NOS1: variants seen among roughly 807,000 people sequenced by gnomAD.
The protein encoded by NOS1 is NOS type I.
Under a neutral mutation model 164.5 loss-of-function variants are expected in NOS1, and 51 were observed. The observed-to-expected ratio is 0.31, with a 90% CI of 0.25 to 0.39. The LOEUF is 0.39. NOS1 is among the 10% of genes least tolerant of loss of function. The pLI is 1.00. For synonymous variants in NOS1, 719 were observed against 745.8 expected, an observed-to-expected ratio of 0.96 and a Z score of 0.59; for missense variants, 1,362 against 1,885.6, an observed-to-expected ratio of 0.72 and a Z score of 5.14.
rs1266344574 is a variant in NOS1, at chr12:117,208,272, G to A, written c.*7037C>T. The A allele has an allele frequency of 7.0e-6, 9 of 1,287,216 alleles. No homozygotes were observed. The highest frequency in any genetic ancestry group is 2.1e-4 in the Middle Eastern group (1 of 4,700). 79.7% of individuals were successfully genotyped at this position (1,287,216 alleles called of 1,614,324 possible). On this transcript the variant is annotated 3_prime_UTR_variant, in exon 29 of 29. Transcript: ENST00000317775. ...CGACAAACACAGCCTGGACAACCTC[G>A]CAAAGAGCGTGGGGTGGGCGTCAGT...
intron 1 of NOS1, among the ~76,000 whole-genome samples, chr12:117,355,489 A>G (rs976015853): frequency 6.6e-6 from 1 of 152,306 alleles, no homozygotes; most frequent in East Asian, 1.9e-4. Context: ...AAGCAAATTA[A>G]ACAATATTGA....
chr12:117,280,911 C>A, intron 7 of NOS1, 45 bp from the exon 8 acceptor site: 2 of 1,599,652 alleles, frequency 1.3e-6, no homozygotes. Flanking sequence ...GCGGGACTTG[C>A]GCTGTGGGAA....
intron 3 of NOS1, among the ~76,000 whole-genome samples, chr12:117,301,687 G>A (rs1475584010): frequency 1.3e-5 from 2 of 152,040 alleles, no homozygotes; most frequent in East Asian, 1.9e-4. Flanking sequence ...TCCACAGCCC[G>A]GCCCCCAGGA....
intron 1 of NOS1, among the ~76,000 whole-genome samples, chr12:117,346,362 T>C (rs569500652): frequency 6.6e-6 from 1 of 152,236 alleles, no homozygotes; most frequent in South Asian, 2.1e-4. Flanking sequence ...TCCCAGTTAC[T>C]CAGGAGGCTG....
At chr12:117,324,399 G>A (rs1029544783) in intron 2 of NOS1, among the ~76,000 whole-genome samples, 2 of 152,096 alleles carry the variant, frequency 1.3e-5, no homozygotes, top group Non-Finnish European at 2.9e-5. Context: ...GCAGCAAGCT[G>A]AGTAACCTGG....
At chr12:117,282,519 C>T (rs895563607) in intron 7 of NOS1, among the ~76,000 whole-genome samples, 1 of 152,224 alleles carries the variant, frequency 6.6e-6, no homozygotes, top group Non-Finnish European at 1.5e-5. Flanking sequence ...CATACAGCAA[C>T]CCCTGTCTCA....
intron 3 of NOS1, 68 bp downstream of exon 3, chr12:117,311,398 C>T: frequency 1.3e-6 from 2 of 1,502,742 alleles, no homozygotes; most frequent in Non-Finnish European, 9.0e-7. Flanking sequence ...CTCCCCTCAG[C>T]TTCCCACCTG....
At chr12:117,253,851 G>A in intron 16 of NOS1, 97 bp from the exon 17 acceptor site, 1 of 786,470 alleles carries the variant, frequency 1.3e-6, no homozygotes, top group South Asian at 1.5e-5. Context: ...CCTGATTCTA[G>A]GGCCTTCTCT....
chr12:117,235,633 CACCGGGTTATA>C (rs1225948242), intron 20 of NOS1, among the ~76,000 whole-genome samples: 5 of 152,206 alleles, frequency 3.3e-5, no homozygotes, highest in Admixed American at 2.0e-4. Context: ...TCATTGATGC[CACCGGGTTATA>C]ACCTTTCTGC....
At chr12:117,239,039 C>T (rs572427302) in intron 20 of NOS1, among the ~76,000 whole-genome samples, 3 of 152,294 alleles carry the variant, frequency 2.0e-5, no homozygotes, top group African/African-American at 7.2e-5. Flanking sequence ...AGTTGAAAGA[C>T]AAGGCCAAGG....
At chr12:117,334,241 GTT>G (rs1875693061) in intron 1 of NOS1, among the ~76,000 whole-genome samples, 1 of 152,162 alleles carries the variant, frequency 6.6e-6, no homozygotes, top group African/African-American at 2.4e-5. Context: ...TTGGTGTGCT[GTT>G]TCTCTCTCAC....
At position 117,211,269 on chromosome 12, in the gene NOS1, T is replaced by G. The variant is rs1011355457; in HGVS notation, c.*4040A>C. The G allele has an allele frequency of 1.0e-6, 1 of 985,298 alleles. No homozygotes were observed. Among genetic ancestry groups the G allele is most frequent in the Non-Finnish European group, 1.2e-6 (1 of 830,000 alleles). 61.0% of individuals were successfully genotyped at this position (985,298 alleles called of 1,614,324 possible). A position where few individuals can be genotyped will look rare whatever the true frequency, so the allele number is the denominator to read the frequency against. ...TACCGCGCCCAGCCTGCAAGATGCT[T>G]TAATTTCTCCTTTATTCTCACCCTC... On this transcript the variant is annotated 3_prime_UTR_variant, in exon 29 of 29. Transcript: ENST00000317775.
chr12:117,260,024 C>A (rs1158075130), intron 14 of NOS1, among the ~76,000 whole-genome samples: 2 of 150,662 alleles, frequency 1.3e-5, no homozygotes, highest in African/African-American at 2.4e-5. Context: ...GAGGCTGAGG[C>A]AGAAGAATGG....
At position 117,234,897 on chromosome 12, in the gene NOS1, C is replaced by T; in HGVS notation, c.3042-139G>A. 1.9e-6 allele frequency: 1 copy of T among 536,376 alleles called. No individual in the cohort carries two copies. Among genetic ancestry groups the T allele is most frequent in the Non-Finnish European group, 3.2e-6 (1 of 316,760 alleles). 33.2% of individuals were successfully genotyped at this position (536,376 alleles called of 1,614,324 possible). A position where few individuals can be genotyped will look rare whatever the true frequency, so the allele number is the denominator to read the frequency against. ...GGCCCGTGCTAACCAAGCCTATGCCCCCATCATTCTATTATTATTATTATT... is the reference window on the plus strand; with the variant it reads ...GGCCCGTGCTAACCAAGCCTATGCCTCCATCATTCTATTATTATTATTATT... On this transcript the variant is annotated intron_variant, in intron 20 of 28. Transcript: ENST00000317775. The surrounding 1 kb of genome is among the most constrained non-coding windows in gnomAD (Gnocchi z 4.3).
rs937583824 is a variant in NOS1, at chr12:117,272,750, C to T, written c.1665-191G>A. 7.2e-5 allele frequency among the ~76,000 whole-genome samples: 11 copies of T among 152,166 alleles called. No homozygotes were observed. The highest frequency in any genetic ancestry group is 2.4e-4 in the African/African-American group (10 of 41,430). ...GGGGCCTGAGAATGTGCATTTTTAA[C>T]GTATTTCTCAGGTGCTTCGGATGGA... On this transcript the variant is annotated intron_variant, in intron 9 of 28. Coordinates refer to ENST00000317775, the MANE Select transcript of NOS1 (RefSeq NM_000620.5). The surrounding 1 kb of genome is among the most constrained non-coding windows in gnomAD (Gnocchi z 4.3).
chr12:117,242,676 A>T lies in NOS1; in HGVS notation c.2992T>A (p.Ser998Thr). 1 of 1,614,162 alleles carries T rather than the reference A, an allele frequency of 6.2e-7. No individual in the cohort carries two copies. Among genetic ancestry groups the T allele is most frequent in the Middle Eastern group, 1.6e-4 (1 of 6,062 alleles). Residue 998 changes from serine to threonine, a missense_variant, in exon 20 of 29, where the codon TCA (serine) becomes ACA (threonine). Transcript: ENST00000317775. ...GLSNVHKKRV[S>T]AARLLSRQNL... ...TGACGGCTAAGGAGCCGGGCAGCTG[A>T]GACTCGCTTTTTGTGGACATTGGAT... is the stretch of plus-strand genomic sequence containing the variant.
At chr12:117,286,595 C>T (rs1208019439) in intron 5 of NOS1, among the ~76,000 whole-genome samples, 1 of 152,028 alleles carries the variant, frequency 6.6e-6, no homozygotes. Context: ...CTAAATCTTT[C>T]CAGAGAAACT....
intron 20 of NOS1, among the ~76,000 whole-genome samples, chr12:117,241,914 C>T (rs1870209861): frequency 6.6e-6 from 1 of 152,170 alleles, no homozygotes; most frequent in South Asian, 2.1e-4. Context: ...CAGAGTGTGT[C>T]CTTTTACTAA....
rs981643019 is a variant in NOS1 at position 117,209,833 on chromosome 12, T to C, written c.*5476A>G. 4.3e-5 allele frequency: 42 copies of C among 985,438 alleles called. No homozygotes were observed. The highest frequency in any genetic ancestry group is 4.7e-5 in the South Asian group (1 of 21,288). 61.0% of individuals were successfully genotyped at this position (985,438 alleles called of 1,614,324 possible). On this transcript the variant is annotated 3_prime_UTR_variant, in exon 29 of 29. Coordinates refer to ENST00000317775, the MANE Select transcript of NOS1 (RefSeq NM_000620.5). ...TGGGCCAAGGATAGGGAGTGTGAGATAAAGGGCAGAGGCCAGGCCAGGTTG... is the reference window on the plus strand; with the variant it reads ...TGGGCCAAGGATAGGGAGTGTGAGACAAAGGGCAGAGGCCAGGCCAGGTTG...
Sources: gnomAD v4.1 joint callset for allele counts (sites outside exome capture counted in the v4.1 genomes callset) on GRCh38, gnomAD v4.1.1 for gene constraint, Gnocchi (gnomAD v3.1) non-coding constraint, MANE v1.5 for transcripts, NCBI Gene and HGNC (gene_info 2026-07-23, HGNC 2026-07-21) for gene names.